The following FGGY variants were observed in gnomAD, a reference collection of about 807,000 sequenced individuals.
FGGY encodes the protein FGGY carbohydrate kinase domain containing.
Under a neutral mutation model 71.3 loss-of-function variants are expected in FGGY, and 72 were observed. The observed-to-expected ratio is 1.01, with a 90% CI of 0.84 to 1.23. FGGY has a LOEUF of 1.23. Among genes scored for constraint, FGGY ranks in the 50% most tolerant of loss-of-function variants. FGGY has a pLI of 0.00. For missense variants in FGGY, 668 were observed against 682.3 expected (o/e 0.98, Z 0.23); for synonymous variants, 251 against 250.3 (o/e 1.00, Z -0.02).
chr1:59,729,364 T>G (rs2097994939), intron 14 of FGGY, among the ~76,000 whole-genome samples: 1 of 152,168 alleles, frequency 6.6e-6, no homozygotes, highest in African/African-American at 2.4e-5. Flanking sequence ...TATATCTGAG[T>G]TGGGTTCTGA....
chr1:59,708,820 G>T (rs1026895798), intron 14 of FGGY, among the ~76,000 whole-genome samples: 3 of 152,194 alleles, frequency 2.0e-5, no homozygotes, highest in African/African-American at 7.2e-5. Context: ...TTTGAGCACT[G>T]ATATGACACC....
At chr1:59,611,855 C>T (rs952207721) in intron 9 of FGGY, among the ~76,000 whole-genome samples, 40 of 152,142 alleles carry the variant, frequency 2.6e-4, no homozygotes, top group African/African-American at 8.7e-4. Flanking sequence ...GACAAATGCA[C>T]AAGCCTCAGT....
intron 8 of FGGY, among the ~76,000 whole-genome samples, chr1:59,580,310 CA>C (rs1469207206): frequency 6.6e-6 from 1 of 152,114 alleles, no homozygotes; most frequent in Non-Finnish European, 1.5e-5. Context: ...AAATAGTTCT[CA>C]AATGGAGGGT....
chr1:59,533,148 G>A (rs568955707), intron 7 of FGGY, among the ~76,000 whole-genome samples: 33 of 152,300 alleles, frequency 2.2e-4, no homozygotes, highest in South Asian at 1.7e-3. Flanking sequence ...AGTGGGTGCC[G>A]CGCACCATGC....
At chr1:59,493,096 A>AACACACACACACAC (rs3035371) in intron 6 of FGGY, among the ~76,000 whole-genome samples, 12,600 of 142,838 alleles carry the variant, frequency 0.088, 596 homozygotes, top group Middle Eastern at 0.15. Context: ...TACCAAACAA[A>AACACACACACACAC]ACACACACAC....
chr1:59,318,865 T>C (rs887997650), intron 1 of FGGY, among the ~76,000 whole-genome samples: 12 of 152,356 alleles, frequency 7.9e-5, no homozygotes, highest in Middle Eastern at 3.4e-3. Flanking sequence ...CCGGGGGCCT[T>C]TGCAGTAGAG....
chr1:59,512,439 G>C lies in FGGY; in HGVS notation c.799G>C (p.Gly267Arg), dbSNP rs1357516698. ...CATTGATGCCCATGCAGGAGGACTAGGTAATCTCTTATTTGTTGCCTACAG... is the reference window on the plus strand; with the variant it reads ...CATTGATGCCCATGCAGGAGGACTACGTAATCTCTTATTTGTTGCCTACAG... ...SLIDAHAGGL[G>R]VIGADVRGHG... The change falls in exon 7 of 16, where the codon GGA (glycine) becomes CGA (arginine). Residue 267 changes from glycine (G) to arginine (R), a missense_variant and splice_region_variant. Physicochemically the swap from Gly to Arg is moderately radical, Grantham distance 125. This residue lies in a region of FGGY where 661 missense variants were observed against 661.6 expected (regional missense o/e 1.00). Transcript: ENST00000303721. The C allele has an allele frequency of 3.1e-6, 5 of 1,612,818 alleles. No homozygotes were observed. The East Asian group carries it at 1.1e-4, about 36-fold the overall frequency.
At chr1:59,349,668 G>A (rs929765249) in intron 4 of FGGY, among the ~76,000 whole-genome samples, 3 of 152,258 alleles carry the variant, frequency 2.0e-5, no homozygotes, top group African/African-American at 7.2e-5. Context: ...AGCCTCTAGT[G>A]TGGGGTGTGT....
chr1:59,358,486 C>G (rs930525669), intron 4 of FGGY, among the ~76,000 whole-genome samples: 1 of 151,972 alleles, frequency 6.6e-6, no homozygotes, highest in African/African-American at 2.4e-5. Context: ...AGCCATTACC[C>G]GCCCTGCCAC....
intron 1 of FGGY, among the ~76,000 whole-genome samples, chr1:59,304,026 C>T (rs2043116317): frequency 6.6e-6 from 1 of 152,012 alleles, no homozygotes; most frequent in Non-Finnish European, 1.5e-5. Flanking sequence ...AATATTTTCT[C>T]TTTTAGAGGT....
At chr1:59,304,117 G>T (rs927039143) in intron 1 of FGGY, among the ~76,000 whole-genome samples, 1 of 151,916 alleles carries the variant, frequency 6.6e-6, no homozygotes, top group Non-Finnish European at 1.5e-5. Flanking sequence ...TGCTTTTATT[G>T]CTCATGCTTT....
intron 15 of FGGY, among the ~76,000 whole-genome samples, chr1:59,761,712 T>C (rs1178322380): frequency 6.6e-6 from 1 of 152,186 alleles, no homozygotes; most frequent in Non-Finnish European, 1.5e-5. Context: ...CAACGGCCAC[T>C]GTGAGATGTC....
chr1:59,687,752 G>GC (rs1170510208), intron 14 of FGGY, among the ~76,000 whole-genome samples: 2 of 152,016 alleles, frequency 1.3e-5, no homozygotes, highest in African/African-American at 2.4e-5. Context: ...ACAGGCGTGA[G>GC]CCACCACGTC....
intron 3 of FGGY, among the ~76,000 whole-genome samples, chr1:59,344,924 G>C (rs2051498670): frequency 1.3e-5 from 2 of 152,136 alleles, no homozygotes; most frequent in South Asian, 2.1e-4. Context: ...ATCTCAGCTG[G>C]TGTCCTTGTT....
chr1:59,730,144 G>A (rs2098007544), intron 14 of FGGY, among the ~76,000 whole-genome samples: 1 of 152,044 alleles, frequency 6.6e-6, no homozygotes, highest in African/African-American at 2.4e-5. Flanking sequence ...TACCACTGAA[G>A]TGTCCCTACC....
chr1:59,512,507 A>G, intron 7 of FGGY, 68 bp downstream of exon 7: 1 of 1,474,602 alleles, frequency 6.8e-7, no homozygotes, highest in Non-Finnish European at 9.1e-7. Flanking sequence ...AACCGAAGAC[A>G]CTCCTTTTCT....
chr1:59,677,529 C>T (rs1348279531), intron 14 of FGGY, among the ~76,000 whole-genome samples: 2 of 152,160 alleles, frequency 1.3e-5, no homozygotes, highest in Non-Finnish European at 2.9e-5. Flanking sequence ...GTAGGAAAAA[C>T]TTTTATGTGC....
At chr1:59,723,654 C>T (rs2097916023) in intron 14 of FGGY, among the ~76,000 whole-genome samples, 1 of 151,960 alleles carries the variant, frequency 6.6e-6, no homozygotes. Context: ...AATCACCCAC[C>T]ACACAGAGTG....
At chr1:59,517,849 TGA>T (rs953030492) in intron 7 of FGGY, among the ~76,000 whole-genome samples, 1 of 152,160 alleles carries the variant, frequency 6.6e-6, no homozygotes, top group African/African-American at 2.4e-5. Context: ...ATATTACAAC[TGA>T]GAGAGAGAGT....
Sources: allele counts gnomAD v4.1 joint callset (sites outside exome capture counted in the v4.1 genomes callset), GRCh38; gene constraint gnomAD v4.1.1; regional missense constraint gnomAD v4.1.1; transcripts MANE v1.5; gene names NCBI Gene and HGNC (gene_info 2026-07-23, HGNC 2026-07-21).